FOXP2: variants seen among roughly 807,000 people sequenced by gnomAD.
FOXP2 encodes forkhead box protein P2.
In FOXP2, 12 loss-of-function variants were observed where a neutral mutation model predicts 115.8. The ratio of observed to expected loss-of-function variants is 0.10; its 90% CI spans 0.07 to 0.17. The LOEUF (loss-of-function observed/expected upper bound fraction) is 0.17. Ranked by LOEUF, FOXP2 falls within the 10% of genes least tolerant of loss-of-function variation. The probability of loss-of-function intolerance (pLI) is 1.00; values close to 1 mark genes in which losing one functional copy is unlikely to be tolerated. For missense variants in FOXP2, 629 were observed against 843.5 expected, an observed-to-expected ratio of 0.75 and a Z score of 3.15; for synonymous variants, 328 against 297.7, an observed-to-expected ratio of 1.10 and a Z score of -1.05.
chr7:114,422,271 A>G (rs572972531), intron 1 of FOXP2, among the ~76,000 whole-genome samples: 1 of 151,838 alleles, frequency 6.6e-6, no homozygotes, highest in East Asian at 1.9e-4. Context: ...AGAAAAGTTG[A>G]CGAAATGAAT....
At chr7:114,581,714 T>C (rs1182308897) in intron 3 of FOXP2, among the ~76,000 whole-genome samples, 1 of 152,230 alleles carries the variant, frequency 6.6e-6, no homozygotes, top group Non-Finnish European at 1.5e-5. Context: ...TCCACCATTG[T>C]AGTATCATAC....
intron 1 of FOXP2, among the ~76,000 whole-genome samples, chr7:114,111,195 C>A (rs1791259541): frequency 6.6e-6 from 1 of 152,152 alleles, no homozygotes; most frequent in African/African-American, 2.4e-5. Context: ...GGTTATGTGA[C>A]TTGCTTTGGC....
intron 1 of FOXP2, among the ~76,000 whole-genome samples, chr7:114,253,614 C>T (rs1210962025): frequency 6.6e-6 from 1 of 151,626 alleles, no homozygotes; most frequent in South Asian, 2.1e-4. Context: ...AGGATTGCAA[C>T]CCCTGCCTTT....
chr7:114,348,599 T>A (rs752094967), intron 2 of FOXP2, among the ~76,000 whole-genome samples: 1 of 152,078 alleles, frequency 6.6e-6, no homozygotes, highest in Non-Finnish European at 1.5e-5. Context: ...AGAACACTCG[T>A]CTTATAGAAA....
At position 114,267,773 on chromosome 7, in the gene FOXP2, AAATAAATAAAAT is replaced by A. The variant is rs1254101439; in HGVS notation, c.-101-20243_-101-20232del. On this transcript the variant is annotated intron_variant, in intron 1 of 17. Coordinates refer to the FOXP2 transcript ENST00000634411. ...TAAATAAATAAATAAATAAATAAAT[AAATAAATAAAAT>A]AAATATATATGTATATATAAAACAT... is the stretch of plus-strand genomic sequence containing the variant. Among the ~76,000 whole-genome samples the A allele has an allele frequency of 1.7e-3, 240 of 144,120 alleles. 1 individual carries two copies. The highest frequency in any genetic ancestry group is 7.4e-3 in the Middle Eastern group (2 of 270). 94.5% of individuals were successfully genotyped at this position (144,120 alleles called of 152,430 possible).
chr7:114,304,147 G>A (rs965762654), intron 2 of FOXP2, among the ~76,000 whole-genome samples: 1 of 151,962 alleles, frequency 6.6e-6, no homozygotes, highest in East Asian at 1.9e-4. Context: ...AGTATTTGTG[G>A]CCACAGAAAG....
intron 3 of FOXP2, among the ~76,000 whole-genome samples, chr7:114,538,747 G>A (rs1045674210): frequency 5.9e-5 from 9 of 151,618 alleles, no homozygotes; most frequent in African/African-American, 1.9e-4. Flanking sequence ...TCAGGATTGG[G>A]TATATCTTGT....
chr7:114,523,779 C>T (rs1798738693), intron 2 of FOXP2, among the ~76,000 whole-genome samples: 1 of 152,148 alleles, frequency 6.6e-6, no homozygotes, highest in Admixed American at 6.6e-5. Context: ...CGTGAGCGTT[C>T]CTTCTCACAG....
intron 1 of FOXP2, among the ~76,000 whole-genome samples, chr7:114,145,635 G>A (rs534536181): frequency 3.8e-4 from 57 of 151,718 alleles, no homozygotes; most frequent in Non-Finnish European, 6.8e-4. Context: ...TTACAGGCGC[G>A]TGCACAACTA....
At chr7:114,127,998 G>T (rs1484828525) in intron 1 of FOXP2, among the ~76,000 whole-genome samples, 2 of 152,110 alleles carry the variant, frequency 1.3e-5, no homozygotes, top group Non-Finnish European at 2.9e-5. Context: ...TTTTCTAGCT[G>T]GTTTCAGAAA....
chr7:114,264,477 T>A (rs1795845592), intron 1 of FOXP2, among the ~76,000 whole-genome samples: 1 of 152,230 alleles, frequency 6.6e-6, no homozygotes, highest in South Asian at 2.1e-4. Context: ...GTCTGCACTT[T>A]AATGTCTGGG....
chr7:114,642,536 C>G lies in FOXP2; in HGVS notation c.902C>G (p.Ser301Cys). The G allele has an allele frequency of 6.2e-7, 1 of 1,613,812 alleles. No homozygotes were observed. The highest frequency in any genetic ancestry group is 8.5e-7 in the Non-Finnish European group (1 of 1,179,944). Reference sequence around the variant, plus strand: ...ACTAACAATTCCTCCTCGACTACCTCCTCCAACACTTCCAAAGCATCACCA... The same window carrying G: ...ACTAACAATTCCTCCTCGACTACCTGCTCCAACACTTCCAAAGCATCACCA... ...LTTNNSSSTT[S>C]SNTSKASPPI... The change falls in exon 7 of 17, where the codon TCC (serine) becomes TGC (cysteine). Residue 301 changes from serine (S) to cysteine (C), a missense_variant. Ser to Cys is a moderately radical substitution (Grantham distance 112, BLOSUM62 -1). Around this residue, in one of 9 missense-constraint regions of FOXP2, gnomAD observed 92 missense variants for 80.1 expected, o/e 1.15. Coordinates refer to ENST00000350908, the MANE Select transcript of FOXP2 (RefSeq NM_014491.4).
intron 1 of FOXP2, among the ~76,000 whole-genome samples, chr7:114,424,606 A>G (rs1346330270): frequency 6.6e-6 from 1 of 151,568 alleles, no homozygotes; most frequent in Non-Finnish European, 1.5e-5. Flanking sequence ...AATACTTATT[A>G]GCTGCCTAAT....
chr7:114,650,471 T>C (rs1180072534), intron 8 of FOXP2, among the ~76,000 whole-genome samples: 3 of 152,064 alleles, frequency 2.0e-5, no homozygotes, highest in Non-Finnish European at 4.4e-5. Flanking sequence ...TATGAAGCCT[T>C]AAGAATACAA....
At position 114,658,294 on chromosome 7, in the gene FOXP2, C is replaced by A. The variant is rs1260237827; in HGVS notation, c.1468+27C>A. The A allele has an allele frequency of 2.5e-6, 4 of 1,608,070 alleles. No homozygotes were observed. In the African/African-American group the frequency reaches 5.4e-5, roughly 22 times the overall value. On this transcript the variant is annotated intron_variant, in intron 11 of 16. Transcript: ENST00000350908. Reference sequence around the variant, plus strand: ...TAGGATATGAATGCTCAGTAGAGCACTTTTACTTTGGGAGAGGAAAACTGT... The same window carrying A: ...TAGGATATGAATGCTCAGTAGAGCAATTTTACTTTGGGAGAGGAAAACTGT...
chr7:114,685,212 G>A (rs546905650), intron 16 of FOXP2, among the ~76,000 whole-genome samples: 2 of 152,170 alleles, frequency 1.3e-5, no homozygotes, highest in Non-Finnish European at 2.9e-5. Context: ...CATTTCATTA[G>A]GACCAAATAG....
chr7:114,316,441 A>G (rs1269224934), intron 2 of FOXP2, among the ~76,000 whole-genome samples: 1 of 152,336 alleles, frequency 6.6e-6, no homozygotes, highest in East Asian at 1.9e-4. Context: ...AAACAGGTAT[A>G]GTCCCTACTT....
intron 8 of FOXP2, among the ~76,000 whole-genome samples, chr7:114,650,971 A>T (rs1353557491): frequency 6.6e-6 from 1 of 152,112 alleles, no homozygotes; most frequent in Non-Finnish European, 1.5e-5. Context: ...CCTTTTGTTT[A>T]TAATAAAATT....
In FOXP2 at chr7:114,640,978, C is replaced by A. The variant is rs546054304; in HGVS notation, c.776-1432C>A. On this transcript the variant is annotated intron_variant, in intron 6 of 16. Transcript: ENST00000350908. ...AAATGTAAAGCTCTTAGTAAAAATG[C>A]CAGAATATAGTAAATACTCTCTTCA... Among the ~76,000 whole-genome samples the A allele has an allele frequency of 7.8e-4, 119 of 152,130 alleles. 1 individual carries two copies. Among genetic ancestry groups the A allele is most frequent in the African/African-American group, 2.8e-3 (116 of 41,492 alleles).
Sources: allele counts gnomAD v4.1 joint callset (sites outside exome capture counted in the v4.1 genomes callset), GRCh38; gene constraint gnomAD v4.1.1; regional missense constraint gnomAD v4.1.1; transcripts MANE v1.5; gene names NCBI Gene and HGNC (gene_info 2026-07-23, HGNC 2026-07-21).